The following RPA1 variants were observed in gnomAD, a reference collection of about 807,000 sequenced individuals.
RPA1 encodes replication protein A 70 kDa DNA-binding subunit.
A neutral mutation model predicts 83.0 loss-of-function variants in RPA1; 49 were observed. That is an observed-to-expected ratio of 0.59 (90% CI 0.47 to 0.75). RPA1 has a LOEUF of 0.75. RPA1 is among the 30% of genes least tolerant of loss of function. The pLI is 0.00. For missense variants in RPA1, 693 were observed against 776.1 expected, an observed-to-expected ratio of 0.89 and a Z score of 1.27; for synonymous variants, 279 against 281.8, an observed-to-expected ratio of 0.99 and a Z score of 0.10.
chr17:1,881,419 C>T (rs1913792952), intron 12 of RPA1, among the ~76,000 whole-genome samples: 1 of 152,144 alleles, frequency 6.6e-6, no homozygotes. Context: ...TTTACATACT[C>T]CTCCTTTGTT....
At chr17:1,879,131 G>A (rs534554488) in intron 9 of RPA1, 70 bp downstream of exon 9, 2 of 1,610,916 alleles carry the variant, frequency 1.2e-6, no homozygotes, top group East Asian at 2.2e-5. Context: ...CGCTGGCCCA[G>A]GGGAGGGGTG....
chr17:1,852,390 G>A (rs913645260), intron 4 of RPA1, among the ~76,000 whole-genome samples: 2 of 152,224 alleles, frequency 1.3e-5, no homozygotes, highest in Non-Finnish European at 1.5e-5. Flanking sequence ...TTGAAGTGAT[G>A]TTTGAGACGA....
intron 12 of RPA1, among the ~76,000 whole-genome samples, chr17:1,881,887 C>CCTCTCTCCTTGCTCT (rs200403354): frequency 7.2e-5 from 1 of 13,886 alleles, no homozygotes; most frequent in African/African-American, 1.9e-4. Flanking sequence ...AGAAGGGCCG[C>CCTCTCTCCTTGCTCT]CTTGACTCCT....
chr17:1,886,705 C>CTTTT (rs57659628), intron 13 of RPA1, among the ~76,000 whole-genome samples: 19 of 125,444 alleles, frequency 1.5e-4, no homozygotes, highest in South Asian at 5.1e-4. Context: ...TCTTCTGCAG[C>CTTTT]TTTTTTTTTT....
At chr17:1,886,158 G>T (rs112783635) in intron 13 of RPA1, among the ~76,000 whole-genome samples, 1 of 151,496 alleles carries the variant, frequency 6.6e-6, no homozygotes, top group Admixed American at 6.6e-5. Context: ...TTGAGCTCTC[G>T]GGTGAACAGG....
intron 1 of RPA1, among the ~76,000 whole-genome samples, chr17:1,839,548 T>C (rs2151268671): frequency 6.6e-6 from 1 of 150,456 alleles, no homozygotes; most frequent in South Asian, 2.1e-4. Flanking sequence ...CTAGTCTTGA[T>C]CTCCCAACCT....
At chr17:1,844,383 A>T (rs974259604) in intron 3 of RPA1, among the ~76,000 whole-genome samples, 195 bp from the exon 4 acceptor site, 2 of 152,222 alleles carry the variant, frequency 1.3e-5, no homozygotes, top group African/African-American at 2.4e-5. Flanking sequence ...ACTTTAACAA[A>T]TTCACACATT....
intron 5 of RPA1, among the ~76,000 whole-genome samples, chr17:1,866,138 A>G (rs1913165805): frequency 6.6e-6 from 1 of 151,980 alleles, no homozygotes; most frequent in South Asian, 2.1e-4. Context: ...GCCACCCGGG[A>G]GGCTGAGGTG....
chr17:1,838,081 C>T (rs972675079), intron 1 of RPA1, among the ~76,000 whole-genome samples: 4 of 151,798 alleles, frequency 2.6e-5, no homozygotes, highest in Admixed American at 6.6e-5. Context: ...CACCTGAGGT[C>T]GAGAGTTCGA....
intron 5 of RPA1, among the ~76,000 whole-genome samples, chr17:1,855,988 T>C (rs1912677789): frequency 6.6e-6 from 1 of 152,128 alleles, no homozygotes. Context: ...ATATAAATAT[T>C]CTAAACACCC....
At chr17:1,886,984 T>C (rs1914017656) in intron 13 of RPA1, among the ~76,000 whole-genome samples, 1 of 152,140 alleles carries the variant, frequency 6.6e-6, no homozygotes, top group Non-Finnish European at 1.5e-5. Flanking sequence ...CTGACCTCTC[T>C]CAGCCTTCAC....
chr17:1,838,195 G>A (rs1301028549), intron 1 of RPA1, among the ~76,000 whole-genome samples: 1 of 151,614 alleles, frequency 6.6e-6, no homozygotes, highest in Non-Finnish European at 1.5e-5. Context: ...GGAGGCTGAG[G>A]CGGGAGAATG....
Position 1,872,484 on chromosome 17 carries a change from G to A in RPA1, c.412G>A (p.Ala138Thr). 6.2e-7 allele frequency: 1 copy of A among 1,614,024 alleles called. No individual in the cohort carries two copies. Among genetic ancestry groups the A allele is most frequent in the Non-Finnish European group, 8.5e-7 (1 of 1,180,010 alleles). The change falls in exon 6 of 17, where the codon GCA becomes ACA. Residue 138 changes from alanine (A) to threonine (T), a missense_variant. Coordinates refer to ENST00000254719, the MANE Select transcript of RPA1 (RefSeq NM_002945.5). ...APPAPAASPA[A>T]SSRPQPQNGS... ...TCCAGCGCCAGCAGCCAGCCCAGCA[G>A]CAAGCAGCAGGCCCCAGCCGCAGAA...
At chr17:1,890,337 C>T (rs1314621474) in intron 14 of RPA1, among the ~76,000 whole-genome samples, 1 of 152,010 alleles carries the variant, frequency 6.6e-6, no homozygotes, top group Non-Finnish European at 1.5e-5. Flanking sequence ...GCACTCCAGC[C>T]TGGGTGACAG....
intron 6 of RPA1, among the ~76,000 whole-genome samples, chr17:1,873,081 C>T (rs907683492): frequency 6.6e-6 from 1 of 152,224 alleles, no homozygotes; most frequent in Non-Finnish European, 1.5e-5. Flanking sequence ...TTTCCCACAT[C>T]ATCAGGTTTT....
chr17:1,883,880 G>A lies in RPA1; in HGVS notation c.1310G>A (p.Gly437Glu), dbSNP rs1350883972. 1.9e-6 allele frequency: 3 copies of A among 1,614,116 alleles called. No individual in the cohort carries two copies. Among genetic ancestry groups the A allele is most frequent in the Admixed American group, 3.3e-5 (2 of 60,016 alleles). ...ISDLKSGGVG[G>E]SNTNWKTLYE... ...GATCTAAAGAGCGGCGGAGTCGGAG[G>A]GAGTAACACCAACTGGAAAACCTTG... Residue 437 changes from glycine to glutamate, a missense_variant, in exon 13 of 17, where the codon GGG becomes GAG. Coordinates refer to ENST00000254719, the MANE Select transcript of RPA1 (RefSeq NM_002945.5).
At chr17:1,859,965 A>G (rs1022601190) in intron 5 of RPA1, among the ~76,000 whole-genome samples, 1 of 152,076 alleles carries the variant, frequency 6.6e-6, no homozygotes, top group Non-Finnish European at 1.5e-5. Flanking sequence ...GGCACGCATC[A>G]CCATGCTCAG....
chr17:1,837,331 G>A (rs966447837), intron 1 of RPA1, among the ~76,000 whole-genome samples: 4 of 152,180 alleles, frequency 2.6e-5, no homozygotes, highest in Non-Finnish European at 5.9e-5. Context: ...TGGCTCAGTA[G>A]TATTCCATTG....
chr17:1,861,810 G>A (rs1285543884), intron 5 of RPA1, among the ~76,000 whole-genome samples: 2 of 150,788 alleles, frequency 1.3e-5, no homozygotes, highest in African/African-American at 2.4e-5. Flanking sequence ...TGCAACCTCC[G>A]CCTCCTGGAC....
Sources: gnomAD v4.1 joint callset for allele counts (sites outside exome capture counted in the v4.1 genomes callset) on GRCh38, gnomAD v4.1.1 for gene constraint, MANE v1.5 for transcripts, NCBI Gene and HGNC (gene_info 2026-07-23, HGNC 2026-07-21) for gene names.